PHF20L1: variants seen among roughly 807,000 people sequenced by gnomAD.
PHF20L1 encodes the protein PHD finger protein 20-like protein 1.
A neutral mutation model predicts 125.5 loss-of-function variants in PHF20L1; 44 were observed. The observed-to-expected ratio is 0.35, with a 90% CI of 0.28 to 0.45. PHF20L1 has a LOEUF of 0.45. Ranked by LOEUF, PHF20L1 falls within the 20% of genes least tolerant of loss-of-function variation. PHF20L1 has a pLI of 1.00. For missense variants in PHF20L1, 1,012 were observed against 1,217.2 expected (o/e 0.83, Z 2.51); for synonymous variants, 380 against 403.1 (o/e 0.94, Z 0.69).
rs999852737 is a variant in PHF20L1, at chr8:132,814,860, A to C, written c.1154A>C (p.Gln385Pro). 1 of 1,607,738 alleles carries C rather than the reference A, an allele frequency of 6.2e-7. No individual in the cohort carries two copies. The highest frequency in any genetic ancestry group is 8.5e-7 in the Non-Finnish European group (1 of 1,175,138). Residue 385 changes from glutamine to proline, a missense_variant, in exon 10 of 21, where the codon CAG (glutamine) becomes CCG (proline). Transcript: ENST00000395386. ...GTCGAGGATTTGACGCTTGTATCTC[A>C]GCTTTCTTCTTCAGTGATAAATAAA... is the stretch of plus-strand genomic sequence containing the variant. ...IQVEDLTLVS[Q>P]LSSSVINKTS...
chr8:132,817,581 T>A (rs2131695042), intron 12 of PHF20L1, 36 bp downstream of exon 12: 1 of 1,447,288 alleles, frequency 6.9e-7, no homozygotes, highest in South Asian at 1.2e-5. Context: ...TATAAGTAGA[T>A]AAGTAGCTAG....
intron 4 of PHF20L1, among the ~76,000 whole-genome samples, chr8:132,796,862 A>G (rs963554559): frequency 1.3e-5 from 2 of 152,128 alleles, no homozygotes; most frequent in African/African-American, 2.4e-5. Flanking sequence ...TGTACCCAAA[A>G]CAAAGTGAAA....
intron 1 of PHF20L1, 132 bp downstream of exon 1, chr8:132,775,777 T>G: frequency 4.3e-6 from 1 of 232,906 alleles, no homozygotes; most frequent in Admixed American, 5.7e-5. Context: ...GCCGGCCCTA[T>G]TGTCTGGGCG....
chr8:132,797,178 T>C (rs1339278147), intron 4 of PHF20L1, among the ~76,000 whole-genome samples: 1 of 152,076 alleles, frequency 6.6e-6, no homozygotes, highest in Non-Finnish European at 1.5e-5. Flanking sequence ...CTGAAAGGTA[T>C]TAATTTTGTG....
intron 2 of PHF20L1, among the ~76,000 whole-genome samples, chr8:132,790,885 G>T (rs1035382052): frequency 6.3e-4 from 96 of 152,114 alleles, no homozygotes; most frequent in Admixed American, 1.5e-3. Flanking sequence ...GACTATTAAA[G>T]CATCTTATAT....
At chr8:132,835,175 G>A (rs2131870284) in intron 15 of PHF20L1, among the ~76,000 whole-genome samples, 1 of 152,112 alleles carries the variant, frequency 6.6e-6, no homozygotes, top group Middle Eastern at 3.4e-3. Flanking sequence ...TTATATATCA[G>A]GCCTCATTCT....
intron 14 of PHF20L1, 69 bp from the exon 15 acceptor site, chr8:132,832,166 C>T (rs991076626): frequency 1.3e-5 from 13 of 997,078 alleles, no homozygotes; most frequent in Admixed American, 3.8e-5. Context: ...ACATGACTTT[C>T]GTTATTTTTA....
intron 20 of PHF20L1, among the ~76,000 whole-genome samples, chr8:132,845,480 T>C (rs1352281347): frequency 6.6e-6 from 1 of 152,104 alleles, no homozygotes; most frequent in Non-Finnish European, 1.5e-5. Context: ...TTAGTGTGTG[T>C]ATATGTTTAT....
chr8:132,794,651 T>C, intron 3 of PHF20L1, 70 bp downstream of exon 3: 1 of 1,502,516 alleles, frequency 6.7e-7, no homozygotes, highest in Non-Finnish European at 9.2e-7. Flanking sequence ...AAGGATTCTG[T>C]TAAATTATAC....
chr8:132,815,360 AT>A (rs1834847110), intron 10 of PHF20L1: 1 of 151,622 alleles, frequency 6.6e-6, no homozygotes, highest in African/African-American at 2.4e-5. Flanking sequence ...TGCCCCCATG[AT>A]TGTATTTTTA....
intron 2 of PHF20L1, among the ~76,000 whole-genome samples, chr8:132,780,981 A>G (rs1358670595): frequency 1.3e-5 from 2 of 151,568 alleles, no homozygotes; most frequent in African/African-American, 4.9e-5. Context: ...AATAGCTGGA[A>G]CTACAGGTGT....
Position 132,817,322 on chromosome 8 carries a change from CTCTT to C in PHF20L1, c.1373-15_1373-12del. On this transcript the variant is annotated splice_polypyrimidine_tract_variant and intron_variant, in intron 11 of 20. Transcript: ENST00000395386. ...TTATCTGTGTTAATATTACATTACACTCTTTATTTTGTGTAGTGCCTGATGTTGC... is the reference window on the plus strand; with the variant it reads ...TTATCTGTGTTAATATTACATTACACTATTTTGTGTAGTGCCTGATGTTGC... The C allele has an allele frequency of 6.3e-7, 1 of 1,595,710 alleles. No individual in the cohort carries two copies. The highest frequency in any genetic ancestry group is 8.6e-7 in the Non-Finnish European group (1 of 1,164,374).
At chr8:132,811,874 A>G (rs1431029637) in intron 9 of PHF20L1, 3 of 978,134 alleles carry the variant, frequency 3.1e-6, no homozygotes, top group Non-Finnish European at 3.6e-6. Context: ...TAGTTTTAAT[A>G]TATCCTTTTT....
At chr8:132,838,939 T>G (rs1029859397) in intron 17 of PHF20L1, among the ~76,000 whole-genome samples, 1 of 152,146 alleles carries the variant, frequency 6.6e-6, no homozygotes, top group Non-Finnish European at 1.5e-5. Flanking sequence ...ATGAAGGATA[T>G]GGAATTTCAT....
In PHF20L1 at chr8:132,844,170, G is replaced by T. The variant is rs777165188; in HGVS notation, c.2763G>T (p.Gly921=). 4 of 1,612,388 alleles carry T rather than the reference G, an allele frequency of 2.5e-6. No homozygotes were observed. The South Asian group carries it at 3.3e-5, about 13-fold the overall frequency. Residue 921 remains glycine, a synonymous_variant, in exon 20 of 21, where the codon GGG becomes GGT. Transcript: ENST00000395386. ...CTTTGGAGAAGAATCCAGCTGAAGG[G>T]AATACAGTATTTGTTTATAATGATA... is the stretch of plus-strand genomic sequence containing the variant. ...HGMPEKNPAE[G]NTVFVYNDKK...
intron 12 of PHF20L1, among the ~76,000 whole-genome samples, chr8:132,821,053 G>A (rs1042720557): frequency 2.0e-5 from 3 of 151,850 alleles, no homozygotes; most frequent in South Asian, 2.1e-4. Flanking sequence ...TTGGCTTGAC[G>A]TGGCCATGCA....
chr8:132,822,125 A>C (rs1835672668), intron 12 of PHF20L1, among the ~76,000 whole-genome samples: 1 of 151,744 alleles, frequency 6.6e-6, no homozygotes, highest in Non-Finnish European at 1.5e-5. Context: ...TCCCAGTTTT[A>C]CTCTTGAAAT....
At chr8:132,779,512 TTTA>T (rs1217990145) in intron 2 of PHF20L1, among the ~76,000 whole-genome samples, 1 of 152,208 alleles carries the variant, frequency 6.6e-6, no homozygotes, top group Non-Finnish European at 1.5e-5. Flanking sequence ...TCTTAAGTGA[TTTA>T]TTTATTTTTT....
intron 5 of PHF20L1, 62 bp downstream of exon 5, chr8:132,798,922 A>G: frequency 8.5e-7 from 1 of 1,173,820 alleles, no homozygotes; most frequent in Non-Finnish European, 1.2e-6. Flanking sequence ...TGACTGATCA[A>G]AATATATTTA....
Sources: gnomAD v4.1 joint callset for allele counts (sites outside exome capture counted in the v4.1 genomes callset) on GRCh38, gnomAD v4.1.1 for gene constraint, MANE v1.5 for transcripts, NCBI Gene and HGNC (gene_info 2026-07-23, HGNC 2026-07-21) for gene names.